Variants in PDE4D observed in about 807,000 individuals in gnomAD.
PDE4D encodes the protein phosphodiesterase 4D.
In PDE4D, 24 loss-of-function variants were observed where a neutral mutation model predicts 87.4. The ratio of observed to expected loss-of-function variants is 0.27; its 90% CI spans 0.20 to 0.39. The LOEUF is 0.39. Ranked by LOEUF, PDE4D falls within the 10% of genes least tolerant of loss-of-function variation. PDE4D has a pLI of 1.00. For synonymous variants in PDE4D, 384 were observed against 383.2 expected, an observed-to-expected ratio of 1.00 and a Z score of -0.02; for missense variants, 714 against 1,041.0, an observed-to-expected ratio of 0.69 and a Z score of 4.32.
At chr5:59,381,143 C>G (rs1322947601) in intron 1 of PDE4D, among the ~76,000 whole-genome samples, 1 of 152,170 alleles carries the variant, frequency 6.6e-6, no homozygotes, top group Non-Finnish European at 1.5e-5. Context: ...CCCCGGAATA[C>G]TAGTTAAAAC....
chr5:59,980,373 A>G (rs1269636014), intron 3 of PDE4D, among the ~76,000 whole-genome samples: 1 of 152,228 alleles, frequency 6.6e-6, no homozygotes, highest in East Asian at 1.9e-4. Flanking sequence ...AGCACTTTTC[A>G]CGGTAAAATA....
chr5:59,316,190 T>C (rs37353), intron 1 of PDE4D, among the ~76,000 whole-genome samples: 89,862 of 151,924 alleles, frequency 0.59, 27,234 homozygotes, highest in East Asian at 0.69. Flanking sequence ...TAACAAGCTA[T>C]GGGGCTTTGC....
At chr5:59,155,334 A>C (rs1780012229) in intron 5 of PDE4D, among the ~76,000 whole-genome samples, 1 of 152,236 alleles carries the variant, frequency 6.6e-6, no homozygotes, top group Middle Eastern at 3.2e-3. Context: ...CTGGAACAAA[A>C]TGGCTCCCAA....
At chr5:60,065,508 A>G (rs1771953135) in intron 2 of PDE4D, among the ~76,000 whole-genome samples, 1 of 151,938 alleles carries the variant, frequency 6.6e-6, no homozygotes, top group African/African-American at 2.4e-5. Flanking sequence ...ACATATGTAT[A>G]CATGTGCCAT....
At chr5:60,215,115 C>G (rs1743704175) in intron 1 of PDE4D, among the ~76,000 whole-genome samples, 1 of 152,150 alleles carries the variant, frequency 6.6e-6, no homozygotes, top group Non-Finnish European at 1.5e-5. Flanking sequence ...GTATGATTCA[C>G]TCCTCTGTAG....
chr5:59,900,026 T>A (rs911015720), intron 3 of PDE4D, among the ~76,000 whole-genome samples: 2 of 151,950 alleles, frequency 1.3e-5, no homozygotes, highest in Non-Finnish European at 1.5e-5. Flanking sequence ...GATCACTTGA[T>A]GTCAGGAGTT....
intron 1 of PDE4D, among the ~76,000 whole-genome samples, chr5:59,366,713 A>T (rs1166509588): frequency 6.6e-6 from 1 of 152,176 alleles, no homozygotes; most frequent in Non-Finnish European, 1.5e-5. Context: ...TTTTAAATGA[A>T]CATTATATAA....
At chr5:60,356,828 C>T (rs1471982412) in intron 1 of PDE4D, among the ~76,000 whole-genome samples, 1 of 152,192 alleles carries the variant, frequency 6.6e-6, no homozygotes, top group African/African-American at 2.4e-5. Context: ...GGCCCCATGG[C>T]TTGGAAGCAC....
In PDE4D at chr5:59,762,373, TGTGTATATGTGTATATGGGTACAC is replaced by T. The variant is rs1340668712; in HGVS notation, c.455+130771_455+130794del. 1.2e-3 allele frequency among the ~76,000 whole-genome samples: 156 copies of T among 128,364 alleles called. 29 individuals carry two copies. The highest frequency in any genetic ancestry group is 1.8e-3 in the African/African-American group (60 of 33,734). 84.2% of individuals were successfully genotyped at this position (128,364 alleles called of 152,430 possible). A position where few individuals can be genotyped will look rare whatever the true frequency, so the allele number is the denominator to read the frequency against. The stretch of plus-strand genomic sequence containing the variant: ...GCATATATGTGTATATGGGTACACA[TGTGTATATGTGTATATGGGTACAC>T]ATGTGTATATGTGTATATGGGTACA... On this transcript the variant is annotated intron_variant, in intron 1 of 14. Transcript: ENST00000340635.
At chr5:60,351,967 G>A (rs1428726867) in intron 1 of PDE4D, among the ~76,000 whole-genome samples, 3 of 148,966 alleles carry the variant, frequency 2.0e-5, no homozygotes, top group South Asian at 4.2e-4. Flanking sequence ...CACCACACCC[G>A]GCTTTTTTTT....
chr5:59,294,879 C>T (rs766380949), intron 1 of PDE4D, among the ~76,000 whole-genome samples: 3 of 152,164 alleles, frequency 2.0e-5, no homozygotes, highest in South Asian at 2.1e-4. Flanking sequence ...ATAGAATGCT[C>T]TTAGAGAAAA....
chr5:59,276,695 A>G (rs1764886231), intron 1 of PDE4D, among the ~76,000 whole-genome samples: 1 of 151,914 alleles, frequency 6.6e-6, no homozygotes, highest in South Asian at 2.1e-4. Context: ...TGTTTTCTAA[A>G]CCTTATTTTT....
At chr5:59,414,189 T>C (rs1793197249) in intron 1 of PDE4D, among the ~76,000 whole-genome samples, 1 of 152,204 alleles carries the variant, frequency 6.6e-6, no homozygotes, top group South Asian at 2.1e-4. Flanking sequence ...TTCTTAATAC[T>C]CAAGATAGTT....
intron 2 of PDE4D, among the ~76,000 whole-genome samples, chr5:60,070,138 TTA>T (rs1222349902): frequency 6.6e-6 from 1 of 152,084 alleles, no homozygotes; most frequent in Non-Finnish European, 1.5e-5. Context: ...AGGGAAAATT[TTA>T]TTTCTTCCTT....
intron 1 of PDE4D, among the ~76,000 whole-genome samples, chr5:59,846,677 G>A (rs2152713318): frequency 1.3e-5 from 2 of 152,024 alleles, no homozygotes; most frequent in South Asian, 4.1e-4. Flanking sequence ...ATGTGCATGG[G>A]GTCCTGTAAT....
At chr5:59,458,244 T>C (rs1044653428) in intron 1 of PDE4D, among the ~76,000 whole-genome samples, 1 of 152,228 alleles carries the variant, frequency 6.6e-6, no homozygotes, top group Non-Finnish European at 1.5e-5. Context: ...AAAGAAACTA[T>C]TAATTTTGTT....
chr5:60,053,477 T>A (rs942644032), intron 2 of PDE4D, among the ~76,000 whole-genome samples: 4 of 152,224 alleles, frequency 2.6e-5, no homozygotes, highest in Non-Finnish European at 4.4e-5. Flanking sequence ...TTGGGGAAAC[T>A]GGCTAACCAT....
intron 2 of PDE4D, among the ~76,000 whole-genome samples, chr5:60,089,612 C>A (rs1489907021): frequency 6.6e-6 from 1 of 151,404 alleles, no homozygotes; most frequent in Non-Finnish European, 1.5e-5. Flanking sequence ...AAACAAACAA[C>A]CTAACATTGT....
At chr5:60,435,206 C>G (rs1744666416) in intron 1 of PDE4D, among the ~76,000 whole-genome samples, 2 of 152,056 alleles carry the variant, frequency 1.3e-5, no homozygotes, top group Non-Finnish European at 2.9e-5. Context: ...ATTACTAGAA[C>G]AATGTGTTAT....
Sources: allele counts gnomAD v4.1 joint callset (sites outside exome capture counted in the v4.1 genomes callset), GRCh38; gene constraint gnomAD v4.1.1; transcripts MANE v1.5; gene names NCBI Gene and HGNC (gene_info 2026-07-23, HGNC 2026-07-21).